Variants in FBXO42 observed in about 807,000 individuals in gnomAD.
FBXO42 encodes F-box protein 42.
In FBXO42, 12 loss-of-function variants were observed where a neutral mutation model predicts 71.7. The ratio of observed to expected loss-of-function variants is 0.17; its 90% CI spans 0.11 to 0.27. FBXO42 has a LOEUF of 0.27. Among genes scored for constraint, FBXO42 ranks in the 10% least tolerant of loss-of-function variants. The pLI is 1.00. For missense variants in FBXO42, 707 were observed against 911.9 expected, an observed-to-expected ratio of 0.78 and a Z score of 2.89; for synonymous variants, 325 against 327.5, an observed-to-expected ratio of 0.99 and a Z score of 0.08.
Position 16,296,667 on chromosome 1 carries a change from A to G in FBXO42, c.368-1750T>C, listed in dbSNP as rs1351671267. Among the ~76,000 whole-genome samples, 4 of 151,232 alleles carry G rather than the reference A, an allele frequency of 2.6e-5. No individual in the cohort carries two copies. The East Asian group carries it at 7.8e-4, about 29-fold the overall frequency. On this transcript the variant is annotated intron_variant, in intron 3 of 9. Coordinates refer to ENST00000375592, the MANE Select transcript of FBXO42 (RefSeq NM_018994.3). ...TCCATCTCAAAAAAAAAAAAAAAAAAACAAAAACAAAAAACACCAACAAGA... is the reference window on the plus strand; with the variant it reads ...TCCATCTCAAAAAAAAAAAAAAAAAGACAAAAACAAAAAACACCAACAAGA...
chr1:16,258,604 G>A (rs1057120377), intron 4 of FBXO42, among the ~76,000 whole-genome samples: 10 of 152,066 alleles, frequency 6.6e-5, no homozygotes, highest in African/African-American at 2.2e-4. Context: ...CAATCCTGCC[G>A]CCTTGGCCTT....
At chr1:16,294,320 C>A (rs574266112) in intron 4 of FBXO42, 1 of 154,618 alleles carries the variant, frequency 6.5e-6, no homozygotes, top group Non-Finnish European at 1.4e-5. Context: ...AATCTTCCCA[C>A]ACCCCTGGGT....
intron 1 of FBXO42, among the ~76,000 whole-genome samples, chr1:16,325,074 T>TA (rs1183251746): frequency 6.6e-6 from 1 of 151,758 alleles, no homozygotes; most frequent in Non-Finnish European, 1.5e-5. Flanking sequence ...CCTGTCTCTA[T>TA]AAAAAATACA....
rs1490570325 is a variant in FBXO42 at position 16,344,347 on chromosome 1, G to A, written c.-18+7908C>T. Among the ~76,000 whole-genome samples, 4 of 144,794 alleles carry A rather than the reference G, an allele frequency of 2.8e-5. No individual in the cohort carries two copies. The East Asian group carries it at 6.1e-4, about 22-fold the overall frequency. 95.0% of individuals were successfully genotyped at this position (144,794 alleles called of 152,430 possible). A position where few individuals can be genotyped will look rare whatever the true frequency, so the allele number is the denominator to read the frequency against. On this transcript the variant is annotated intron_variant, in intron 1 of 9. Coordinates refer to ENST00000375592, the MANE Select transcript of FBXO42 (RefSeq NM_018994.3). ...AATTTTTTTTTTTTTTTTTGAGACA[G>A]AGACTCTACCGCCCAGGCTGGAGTA...
At chr1:16,283,494 GT>G (rs386366300) in intron 4 of FBXO42, among the ~76,000 whole-genome samples, 274 of 80,974 alleles carry the variant, frequency 3.4e-3, no homozygotes, top group African/African-American at 0.01. Flanking sequence ...ACTGTGGCAA[GT>G]TTTTTTTTTT....
rs190916981 is a variant in FBXO42 at position 16,285,359 on chromosome 1, C to T, written c.502+9424G>A. Among the ~76,000 whole-genome samples the T allele has an allele frequency of 5.4e-3, 823 of 151,918 alleles. 7 individuals are homozygous for T. Among genetic ancestry groups the T allele is most frequent in the African/African-American group, 0.018 (766 of 41,472 alleles). ...TGCAATCTCGGCTCACTGCAACCTC[C>T]GCCTCCTGGGTTCAAGTGATTCTCC... On this transcript the variant is annotated intron_variant, in intron 4 of 9. Coordinates refer to ENST00000375592, the MANE Select transcript of FBXO42 (RefSeq NM_018994.3).
chr1:16,292,648 A>G (rs2082091869), intron 4 of FBXO42: 1 of 152,166 alleles, frequency 6.6e-6, no homozygotes, highest in Non-Finnish European at 1.5e-5. Context: ...CTTACTCCAT[A>G]TTACAGGGAG....
rs572861196 is a variant in FBXO42 at position 16,333,291 on chromosome 1, T to G, written c.-17-17856A>C. On this transcript the variant is annotated intron_variant, in intron 1 of 9. Transcript: ENST00000375592. ...TTTCACCACTTCATAAGTTACAATT[T>G]TGCTTATTAACCACTTGCCTAATTA... 8.5e-5 allele frequency among the ~76,000 whole-genome samples: 13 copies of G among 152,250 alleles called. No individual in the cohort carries two copies. The East Asian group carries it at 2.5e-3, about 29-fold the overall frequency.
At chr1:16,266,070 A>G (rs1557574753) in intron 4 of FBXO42, among the ~76,000 whole-genome samples, 2 of 152,220 alleles carry the variant, frequency 1.3e-5, no homozygotes, top group Admixed American at 1.3e-4. Flanking sequence ...AAGTGCTTTA[A>G]AACACTTTCA....
chr1:16,299,871 T>C (rs2082173427), intron 3 of FBXO42, among the ~76,000 whole-genome samples: 1 of 151,906 alleles, frequency 6.6e-6, no homozygotes, highest in Non-Finnish European at 1.5e-5. Flanking sequence ...TCTCAATCTC[T>C]TGATCTCGTG....
At chr1:16,253,262 C>A in intron 7 of FBXO42, 110 bp from the exon 8 acceptor site, 2 of 876,286 alleles carry the variant, frequency 2.3e-6, no homozygotes, top group South Asian at 1.7e-5. Flanking sequence ...TGGGAATATT[C>A]TAGTTACCAT....
chr1:16,348,002 A>G (rs1301278658), intron 1 of FBXO42, among the ~76,000 whole-genome samples: 3 of 151,272 alleles, frequency 2.0e-5, no homozygotes, highest in Non-Finnish European at 2.9e-5. Context: ...CAAAAAAAAA[A>G]AAAAAAAGAA....
chr1:16,311,496 AAAAAAAAATATAT>A lies in FBXO42; in HGVS notation c.250+3660_250+3672del, dbSNP rs1321224057. 7.0e-3 allele frequency among the ~76,000 whole-genome samples: 816 copies of A among 116,570 alleles called. 11 individuals are homozygous for A. Among genetic ancestry groups the A allele is most frequent in the African/African-American group, 0.023 (710 of 31,102 alleles). 76.5% of individuals were successfully genotyped at this position (116,570 alleles called of 152,430 possible). ...GAGCAAGATCTTGTCTCAAAAAAAA[AAAAAAAAATATAT>A]ATATATATATATATATATACATATG... is the stretch of plus-strand genomic sequence containing the variant. On this transcript the variant is annotated intron_variant, in intron 2 of 9. Coordinates refer to ENST00000375592, the MANE Select transcript of FBXO42 (RefSeq NM_018994.3).
rs535850933 is a variant in FBXO42, at chr1:16,246,959, G to C, written c.*3711C>G. 1 of 152,286 alleles carries C rather than the reference G, an allele frequency of 6.6e-6. No homozygotes were observed. Among genetic ancestry groups the C allele is most frequent in the South Asian group, 2.1e-4 (1 of 4,824 alleles). The allele number at this position is 152,286 out of a possible 1,614,324, so 9.4% of individuals were successfully genotyped here. The stretch of plus-strand genomic sequence containing the variant: ...GAAATCCATGTTTCATTCCTACACT[G>C]TTATGTGCCCAAAATGACTATCTCA... On this transcript the variant is annotated 3_prime_UTR_variant, in exon 10 of 10. Coordinates refer to ENST00000375592, the MANE Select transcript of FBXO42 (RefSeq NM_018994.3).
chr1:16,313,350 AAG>A (rs917344086), intron 2 of FBXO42, among the ~76,000 whole-genome samples: 1 of 151,750 alleles, frequency 6.6e-6, no homozygotes, highest in African/African-American at 2.4e-5. Context: ...GAAAGAAAGA[AAG>A]AAAGAAAGAA....
At chr1:16,303,040 C>T (rs960225209) in intron 3 of FBXO42, among the ~76,000 whole-genome samples, 1 of 151,606 alleles carries the variant, frequency 6.6e-6, no homozygotes, top group African/African-American at 2.4e-5. Flanking sequence ...GACAACATGG[C>T]AAAACACAAT....
At chr1:16,317,635 G>A (rs1434749649) in intron 1 of FBXO42, among the ~76,000 whole-genome samples, 1 of 151,778 alleles carries the variant, frequency 6.6e-6, no homozygotes, top group East Asian at 1.9e-4. Context: ...ACAGAAGACA[G>A]AAGAATGGGC....
At chr1:16,299,984 T>C (rs2082174497) in intron 3 of FBXO42, among the ~76,000 whole-genome samples, 1 of 152,160 alleles carries the variant, frequency 6.6e-6, no homozygotes, top group African/African-American at 2.4e-5. Context: ...TGAACTTTAC[T>C]TATTGCCTAT....
chr1:16,309,361 G>A (rs1569899118), intron 2 of FBXO42, among the ~76,000 whole-genome samples: 1 of 151,784 alleles, frequency 6.6e-6, no homozygotes, highest in Admixed American at 6.6e-5. Flanking sequence ...ATAGGCATGA[G>A]CCACCGCGCC....
Sources: allele counts gnomAD v4.1 joint callset (sites outside exome capture counted in the v4.1 genomes callset), GRCh38; gene constraint gnomAD v4.1.1; transcripts MANE v1.5; gene names NCBI Gene and HGNC (gene_info 2026-07-23, HGNC 2026-07-21).